FBN1: variants seen among roughly 807,000 people sequenced by gnomAD.
FBN1 encodes fibrillin-1.
Under a neutral mutation model 365.1 loss-of-function variants are expected in FBN1, and 29 were observed. That is an observed-to-expected ratio of 0.08 (90% confidence interval 0.06 to 0.11). FBN1 has a LOEUF of 0.11. FBN1 is among the 10% of genes least tolerant of loss of function. FBN1 has a pLI of 1.00. For missense variants in FBN1, 2,476 were observed against 3,703.2 expected (o/e 0.67, Z 8.60); for synonymous variants, 1,210 against 1,270.5 (o/e 0.95, Z 1.01).
chr15:48,472,715 T>C, intron 34 of FBN1, 39 bp from the exon 35 acceptor site: 1 of 1,614,090 alleles, frequency 6.2e-7, no homozygotes, highest in Non-Finnish European at 8.5e-7. Flanking sequence ...CTTCCTCGGT[T>C]AGGGGCTTTC....
intron 64 of FBN1, among the ~76,000 whole-genome samples, chr15:48,413,332 T>C (rs184534899): frequency 9.5e-4 from 145 of 152,376 alleles, no homozygotes; most frequent in Non-Finnish European, 9.8e-4. Flanking sequence ...TATGAAGATA[T>C]GCCGTATATA....
chr15:48,431,677 T>C (rs995827390), intron 55 of FBN1, among the ~76,000 whole-genome samples: 4 of 152,036 alleles, frequency 2.6e-5, no homozygotes, highest in Non-Finnish European at 1.5e-5. Context: ...TTTTTTGAGA[T>C]GGAGTCTCAC....
In FBN1 at chr15:48,430,703, T is replaced by A; in HGVS notation, c.6839A>T (p.Tyr2280Phe). The A allele has an allele frequency of 1.9e-6, 3 of 1,613,910 alleles. No individual in the cohort carries two copies. The highest frequency in any genetic ancestry group is 2.5e-6 in the Non-Finnish European group (3 of 1,179,834). The part of the protein sequence containing the change: ...GTYMCICGPG[Y>F]QRRPDGEGCV... ...GCCTTCTCCATCAGGTCTCCGCTGATACCCGGGTCCACAGATGCACATATA... is the reference window on the plus strand; with the variant it reads ...GCCTTCTCCATCAGGTCTCCGCTGAAACCCGGGTCCACAGATGCACATATA... Residue 2280 changes from tyrosine (Y) to phenylalanine (F), a missense_variant, in exon 56 of 66, where the codon TAT becomes TTT. Physicochemically the swap from Tyr to Phe is conservative, Grantham distance 22. Around this residue, in one of 5 missense-constraint regions of FBN1, gnomAD observed 1,780 missense variants for 2,840.8 expected, o/e 0.63. Coordinates refer to ENST00000316623, the MANE Select transcript of FBN1 (RefSeq NM_000138.5).
chr15:48,491,282 A>C (rs1320154817), intron 24 of FBN1, among the ~76,000 whole-genome samples: 1 of 152,108 alleles, frequency 6.6e-6, no homozygotes, highest in African/African-American at 2.4e-5. Flanking sequence ...CAATATTTAA[A>C]GGTTTGTTAA....
At chr15:48,427,810 A>G (rs943746319) in intron 57 of FBN1, 37 bp from the exon 58 acceptor site, 3 of 1,586,134 alleles carry the variant, frequency 1.9e-6, no homozygotes, top group Non-Finnish European at 2.6e-6. Flanking sequence ...GGATGTCAGG[A>G]AATTTTAAGA....
intron 9 of FBN1, among the ~76,000 whole-genome samples, chr15:48,524,499 T>C (rs1047463438): frequency 1.3e-5 from 2 of 152,108 alleles, no homozygotes; most frequent in Non-Finnish European, 2.9e-5. Flanking sequence ...TGGAGGGAAA[T>C]AGGAGCACCA....
intron 10 of FBN1, among the ~76,000 whole-genome samples, chr15:48,518,375 G>A (rs2043822255): frequency 6.6e-6 from 1 of 152,118 alleles, no homozygotes; most frequent in African/African-American, 2.4e-5. Flanking sequence ...GCACATAACA[G>A]GAATTCATTA....
intron 6 of FBN1, among the ~76,000 whole-genome samples, chr15:48,550,983 A>G (rs2044136679): frequency 6.6e-6 from 1 of 152,208 alleles, no homozygotes; most frequent in South Asian, 2.1e-4. Context: ...GAATGAATGA[A>G]TGAATGAATG....
Position 48,564,632 on chromosome 15 carries a change from T to C in FBN1, c.539-26824A>G, listed in dbSNP as rs542634726. 6.6e-5 allele frequency among the ~76,000 whole-genome samples: 10 copies of C among 152,256 alleles called. No homozygotes were observed. In the East Asian group the frequency reaches 1.3e-3, roughly 21 times the overall value. On this transcript the variant is annotated intron_variant, in intron 6 of 65. Transcript: ENST00000316623. ...CCCTCACATATCGATGAAATAAATA[T>C]TTATAGTTGCACAACTACATAATAA...
chr15:48,516,881 C>G (rs1231963487), intron 10 of FBN1, among the ~76,000 whole-genome samples: 4 of 151,952 alleles, frequency 2.6e-5, no homozygotes, highest in African/African-American at 9.7e-5. Context: ...ATGATGATGT[C>G]CGGATGGGGG....
At chr15:48,531,692 C>T (rs766325779) in intron 8 of FBN1, among the ~76,000 whole-genome samples, 4 of 152,106 alleles carry the variant, frequency 2.6e-5, no homozygotes, top group Admixed American at 2.0e-4. Flanking sequence ...ACACTGTAAC[C>T]GGAAAAGAGC....
intron 7 of FBN1, among the ~76,000 whole-genome samples, chr15:48,537,247 AG>A (rs1566922269): frequency 6.6e-6 from 1 of 152,238 alleles, no homozygotes; most frequent in Non-Finnish European, 1.5e-5. Context: ...TTTCAAATGA[AG>A]AAAAAAAATT....
intron 30 of FBN1, among the ~76,000 whole-genome samples, chr15:48,484,345 T>G (rs1223564049): frequency 6.6e-6 from 1 of 152,080 alleles, no homozygotes; most frequent in African/African-American, 2.4e-5. Context: ...CCTACTTAGA[T>G]GCTCTTAGTA....
At chr15:48,537,291 T>TTTG (rs2044021160) in intron 7 of FBN1, among the ~76,000 whole-genome samples, 1 of 152,198 alleles carries the variant, frequency 6.6e-6, no homozygotes, top group African/African-American at 2.4e-5. Flanking sequence ...TTCACAAACC[T>TTTG]TGCTTTGTGT....
chr15:48,625,603 G>A (rs559962851), intron 2 of FBN1, among the ~76,000 whole-genome samples: 21 of 152,206 alleles, frequency 1.4e-4, no homozygotes, highest in African/African-American at 4.1e-4. Context: ...TCTCATCCTC[G>A]ATGCACCTGA....
chr15:48,553,240 C>A (rs2044156584), intron 6 of FBN1, among the ~76,000 whole-genome samples: 1 of 152,116 alleles, frequency 6.6e-6, no homozygotes, highest in Admixed American at 6.6e-5. Flanking sequence ...AAAGTAAAGA[C>A]CACCATCCCC....
At chr15:48,461,455 T>C (rs2043279741) in intron 42 of FBN1, among the ~76,000 whole-genome samples, 1 of 152,138 alleles carries the variant, frequency 6.6e-6, no homozygotes, top group Admixed American at 6.5e-5. Context: ...TTTGGAAAAA[T>C]CTAATCTTTA....
intron 3 of FBN1, among the ~76,000 whole-genome samples, chr15:48,612,181 A>T (rs542536980): frequency 6.6e-6 from 1 of 152,238 alleles, no homozygotes; most frequent in Non-Finnish European, 1.5e-5. Flanking sequence ...AAGAATTGAG[A>T]AACAGTTAAA....
chr15:48,468,247 C>T (rs1023947294), intron 37 of FBN1, 145 bp from the exon 38 acceptor site: 14 of 1,337,860 alleles, frequency 1.0e-5, no homozygotes, highest in Admixed American at 3.7e-5. Flanking sequence ...TATACACTAC[C>T]GAGAATTTTC....
Sources: allele counts gnomAD v4.1 joint callset (sites outside exome capture counted in the v4.1 genomes callset), GRCh38; gene constraint gnomAD v4.1.1; regional missense constraint gnomAD v4.1.1; transcripts MANE v1.5; gene names NCBI Gene and HGNC (gene_info 2026-07-23, HGNC 2026-07-21).